SUSD5: variants seen among roughly 807,000 people sequenced by gnomAD.
SUSD5 encodes sushi domain containing 5, also known as sushi domain-containing protein 5.
A neutral mutation model predicts 29.5 loss-of-function variants in SUSD5; 33 were observed. The ratio of observed to expected loss-of-function variants is 1.12; its 90% CI spans 0.85 to 1.49. The LOEUF is 1.49. SUSD5 is among the 40% of genes most tolerant of loss of function. The probability of loss-of-function intolerance (pLI) is 0.00; values close to 1 mark genes in which losing one functional copy is unlikely to be tolerated. For synonymous variants in SUSD5, 308 were observed against 325.3 expected (o/e 0.95, Z 0.57); for missense variants, 776 against 800.6 (o/e 0.97, Z 0.37).
At chr3:33,183,388 G>A (rs1015860923) in intron 3 of SUSD5, among the ~76,000 whole-genome samples, 1 of 151,538 alleles carries the variant, frequency 6.6e-6, no homozygotes, top group East Asian at 1.9e-4. Context: ...CTTTCTTAAC[G>A]TATCAATTAT....
intron 3 of SUSD5, among the ~76,000 whole-genome samples, chr3:33,196,366 A>G (rs2125628352): frequency 6.6e-6 from 1 of 152,348 alleles, no homozygotes; most frequent in East Asian, 1.9e-4. Flanking sequence ...GGGAACACAG[A>G]GGATTACTGA....
chr3:33,168,587 A>G, intron 4 of SUSD5: 1 of 985,464 alleles, frequency 1.0e-6, no homozygotes, highest in South Asian at 4.7e-5. Flanking sequence ...TCCCCATCTC[A>G]GGGCCCTGGA....
intron 3 of SUSD5, among the ~76,000 whole-genome samples, chr3:33,201,904 C>T (rs1362605345): frequency 6.6e-6 from 1 of 152,168 alleles, no homozygotes; most frequent in South Asian, 2.1e-4. Flanking sequence ...CTCAACTTAT[C>T]CATCTCAAAT....
chr3:33,206,426 T>A (rs1354350788), intron 3 of SUSD5, among the ~76,000 whole-genome samples: 1 of 131,534 alleles, frequency 7.6e-6, no homozygotes, highest in South Asian at 2.2e-4. Context: ...TGTGTGTGTG[T>A]GTGTGTGTGT....
At chr3:33,192,016 CATT>C (rs1412206039) in intron 3 of SUSD5, among the ~76,000 whole-genome samples, 1 of 152,036 alleles carries the variant, frequency 6.6e-6, no homozygotes, top group Non-Finnish European at 1.5e-5. Context: ...TGAGTGCTAT[CATT>C]GTTTGTAAAC....
At chr3:33,198,944 C>T (rs1395970394) in intron 3 of SUSD5, among the ~76,000 whole-genome samples, 1 of 152,150 alleles carries the variant, frequency 6.6e-6, no homozygotes, top group African/African-American at 2.4e-5. Context: ...GAACATGGTG[C>T]ACCCAAAATA....
intron 3 of SUSD5, among the ~76,000 whole-genome samples, chr3:33,180,588 A>C (rs2031647576): frequency 6.6e-6 from 1 of 152,156 alleles, no homozygotes; most frequent in Admixed American, 6.5e-5. Context: ...ACACTTTGGA[A>C]GGCTGAAGCA....
intron 3 of SUSD5, among the ~76,000 whole-genome samples, chr3:33,203,821 G>A (rs1179847766): frequency 6.6e-6 from 1 of 152,172 alleles, no homozygotes; most frequent in Non-Finnish European, 1.5e-5. Flanking sequence ...GCGCTCCCAT[G>A]ATTCAGTGTT....
At chr3:33,189,285 C>T (rs751087356) in intron 3 of SUSD5, among the ~76,000 whole-genome samples, 27 of 152,098 alleles carry the variant, frequency 1.8e-4, no homozygotes, top group Non-Finnish European at 3.4e-4. Context: ...CAAGACCAGC[C>T]TGACCAATAT....
intron 2 of SUSD5, among the ~76,000 whole-genome samples, chr3:33,210,769 T>C (rs1222492261): frequency 6.6e-6 from 1 of 152,032 alleles, no homozygotes; most frequent in Non-Finnish European, 1.5e-5. Flanking sequence ...ATAGGAATGG[T>C]GAAAAGAGAA....
At chr3:33,155,921 G>T (rs2031040456) in intron 4 of SUSD5, among the ~76,000 whole-genome samples, 1 of 152,160 alleles carries the variant, frequency 6.6e-6, no homozygotes, top group African/African-American at 2.4e-5. Flanking sequence ...GACTTTTAGG[G>T]TGCTGGCAAT....
At chr3:33,207,547 G>C (rs1473583601) in intron 3 of SUSD5, among the ~76,000 whole-genome samples, 2 of 152,170 alleles carry the variant, frequency 1.3e-5, no homozygotes, top group African/African-American at 4.8e-5. Context: ...ACTATCTCCA[G>C]GGGTTTCCTG....
Position 33,180,371 on chromosome 3 carries a change from A to T in SUSD5, c.410-5297T>A, listed in dbSNP as rs559250072. Among the ~76,000 whole-genome samples, 19 of 114,420 alleles carry T rather than the reference A, an allele frequency of 1.7e-4. No individual in the cohort carries two copies. The East Asian group carries it at 3.0e-3, about 18-fold the overall frequency. The allele number at this position is 114,420 out of a possible 152,430, so 75.1% of individuals were successfully genotyped here. On this transcript the variant is annotated intron_variant, in intron 3 of 4. Coordinates refer to ENST00000309558, the MANE Select transcript of SUSD5 (RefSeq NM_015551.2). The stretch of plus-strand genomic sequence containing the variant: ...ATAAAGTTTAAAAAGTTAAAAAAAA[A>T]TTTTTTTGAGACATGGTCTTGCTCT...
chr3:33,163,587 C>T (rs1008953220), intron 4 of SUSD5, among the ~76,000 whole-genome samples: 4 of 152,128 alleles, frequency 2.6e-5, no homozygotes, highest in African/African-American at 4.8e-5. Flanking sequence ...CTGGGCCAGG[C>T]GTGGTGGCTC....
At chr3:33,198,197 T>C (rs183783544) in intron 3 of SUSD5, among the ~76,000 whole-genome samples, 210 of 152,368 alleles carry the variant, frequency 1.4e-3, no homozygotes, top group Middle Eastern at 3.4e-3. Flanking sequence ...TCATACTTAT[T>C]GAGGTGTTAC....
chr3:33,158,753 C>T (rs181152439), intron 4 of SUSD5, among the ~76,000 whole-genome samples: 52 of 152,294 alleles, frequency 3.4e-4, no homozygotes, highest in Non-Finnish European at 2.8e-4. Flanking sequence ...AGCCAGAACC[C>T]GGCCCCCTTT....
chr3:33,203,002 G>C (rs2032148357), intron 3 of SUSD5, among the ~76,000 whole-genome samples: 1 of 152,138 alleles, frequency 6.6e-6, no homozygotes, highest in African/African-American at 2.4e-5. Context: ...GCATCACTGG[G>C]AAAAAGGCAA....
At chr3:33,163,144 T>A (rs948584883) in intron 4 of SUSD5, among the ~76,000 whole-genome samples, 6 of 152,100 alleles carry the variant, frequency 3.9e-5, no homozygotes, top group Non-Finnish European at 8.8e-5. Flanking sequence ...ATACAAACTC[T>A]TCCAGACAAA....
intron 3 of SUSD5, among the ~76,000 whole-genome samples, chr3:33,180,347 T>C (rs2031642193): frequency 6.6e-6 from 1 of 150,890 alleles, no homozygotes; most frequent in South Asian, 2.2e-4. Context: ...TTTTTAACAA[T>C]AAAGTTTAAA....
Sources: allele counts gnomAD v4.1 joint callset (sites outside exome capture counted in the v4.1 genomes callset), GRCh38; gene constraint gnomAD v4.1.1; transcripts MANE v1.5; gene names NCBI Gene and HGNC (gene_info 2026-07-23, HGNC 2026-07-21).